Variants in NPHP4 observed in about 807,000 individuals in gnomAD.
NPHP4 encodes the protein nephrocystin-4.
In NPHP4, 151 loss-of-function variants were observed where a neutral mutation model predicts 155.8. The ratio of observed to expected loss-of-function variants is 0.97; its 90% CI spans 0.85 to 1.11. NPHP4 has a LOEUF of 1.11. Ranked by LOEUF, NPHP4 falls within the 50% of genes least tolerant of loss-of-function variation. The pLI, the probability that NPHP4 is intolerant of heterozygous loss-of-function variation, is 0.00. For missense variants in NPHP4, 1,956 were observed against 1,925.7 expected, an observed-to-expected ratio of 1.02 and a Z score of -0.29; for synonymous variants, 845 against 816.8, an observed-to-expected ratio of 1.03 and a Z score of -0.59.
At chr1:5,934,824 C>A (rs1421595720) in intron 9 of NPHP4, among the ~76,000 whole-genome samples, 1 of 152,182 alleles carries the variant, frequency 6.6e-6, no homozygotes, top group Non-Finnish European at 1.5e-5. Flanking sequence ...AACAGAGACA[C>A]CCAGAGGATC....
At position 5,890,735 on chromosome 1, in the gene NPHP4, G is replaced by A. The variant is rs545742986; in HGVS notation, c.2304+133C>T. 7.5e-6 allele frequency: 5 copies of A among 669,682 alleles called. No individual in the cohort carries two copies. The highest frequency in any genetic ancestry group is 1.2e-5 in the Non-Finnish European group (5 of 426,974). The allele number at this position is 669,682 out of a possible 1,614,324, so 41.5% of individuals were successfully genotyped here. On this transcript the variant is annotated intron_variant, in intron 17 of 29. Transcript: ENST00000378156. The surrounding 1 kb of genome is among the most constrained non-coding windows in gnomAD (Gnocchi z 4.9). ...GAGAATGCAGCACTATTTTTAACGA[G>A]TGAACAAAGAAGGTCAAACAAGTCC...
chr1:5,975,784 AC>A (rs1395420903), intron 3 of NPHP4, among the ~76,000 whole-genome samples: 1 of 152,228 alleles, frequency 6.6e-6, no homozygotes, highest in Non-Finnish European at 1.5e-5. Flanking sequence ...TTCCGCCGCA[AC>A]GGAAGCCCTC....
rs537014635 is a variant in NPHP4, at chr1:5,915,669, C to T, written c.1442-6456G>A. ...AGGAGCTGGTTCAGCAGGCCCAAGC[C>T]GAGTGGGGAGTTCCGTGACTTGCCA... On this transcript the variant is annotated intron_variant, in intron 11 of 29. Coordinates refer to ENST00000378156, the MANE Select transcript of NPHP4 (RefSeq NM_015102.5). Among the ~76,000 whole-genome samples the T allele has an allele frequency of 5.3e-5, 8 of 152,210 alleles. No homozygotes were observed. The East Asian group carries it at 9.7e-4, about 18-fold the overall frequency.
intron 21 of NPHP4, 24 bp downstream of exon 21, chr1:5,874,850 G>C (rs1405513385): frequency 6.2e-7 from 1 of 1,603,674 alleles, no homozygotes; most frequent in Non-Finnish European, 8.5e-7. Flanking sequence ...GGCTGGGGCA[G>C]GACGGGCACC....
chr1:5,986,321 G>A lies in NPHP4; in HGVS notation c.-32C>T, dbSNP rs200398622. 1.2e-5 allele frequency: 20 copies of A among 1,611,930 alleles called. No homozygotes were observed. The Admixed American group carries it at 1.5e-4, about 12-fold the overall frequency. On this transcript the variant is annotated 5_prime_UTR_variant, in exon 2 of 30. Transcript: ENST00000378156. ...CGCCTGAGGGTCCCGTGGGCTTCCCGGATGATCTGTGCCAGTCGTATTCAA... is the reference window on the plus strand; with the variant it reads ...CGCCTGAGGGTCCCGTGGGCTTCCCAGATGATCTGTGCCAGTCGTATTCAA...
At chr1:5,864,107 C>T in intron 28 of NPHP4, 74 bp from the exon 29 acceptor site, 1 of 1,525,770 alleles carries the variant, frequency 6.6e-7, no homozygotes, top group Non-Finnish European at 9.0e-7. Flanking sequence ...CCAAGTATTC[C>T]CTGAGTCTCC....
chr1:5,910,011 G>A lies in NPHP4; in HGVS notation c.1442-798C>T, dbSNP rs1215563398. Among the ~76,000 whole-genome samples, 1 of 152,176 alleles carries A rather than the reference G, an allele frequency of 6.6e-6. No homozygotes were observed. Among genetic ancestry groups the A allele is most frequent in the East Asian group, 1.9e-4 (1 of 5,176 alleles). On this transcript the variant is annotated intron_variant, in intron 11 of 29. Transcript: ENST00000378156. The surrounding 1 kb of genome is among the most constrained non-coding windows in gnomAD (Gnocchi z 5.4). The stretch of plus-strand genomic sequence containing the variant: ...TCTCAGCCCCTGCACCTCAGCAGGA[G>A]GAAGCCCCAGCATCGCTGGAGTCTC...
chr1:5,948,843 G>C (rs1218486339), intron 7 of NPHP4, among the ~76,000 whole-genome samples: 1 of 152,184 alleles, frequency 6.6e-6, no homozygotes, highest in Admixed American at 6.5e-5. Flanking sequence ...GTGGTCACTC[G>C]ATATTAAAGT....
chr1:5,977,050 C>G (rs1653729696), intron 3 of NPHP4, among the ~76,000 whole-genome samples: 1 of 152,126 alleles, frequency 6.6e-6, no homozygotes, highest in African/African-American at 2.4e-5. Flanking sequence ...AGCTGAGACC[C>G]TCTCATCACC....
chr1:5,974,477 T>C (rs962901006), intron 3 of NPHP4, among the ~76,000 whole-genome samples: 1 of 152,136 alleles, frequency 6.6e-6, no homozygotes, highest in African/African-American at 2.4e-5. Context: ...ACTGAGAAAC[T>C]GCACAGGACC....
At chr1:5,924,725 G>A (rs1005845057) in intron 11 of NPHP4, among the ~76,000 whole-genome samples, 1 of 152,140 alleles carries the variant, frequency 6.6e-6, no homozygotes, top group Non-Finnish European at 1.5e-5. Context: ...CGTAATCACG[G>A]CTCACTGCAG....
rs991004280 is a variant in NPHP4 at position 5,865,103 on chromosome 1, T to C, written c.3815A>G (p.Lys1272Arg). 2 of 1,613,280 alleles carry C rather than the reference T, an allele frequency of 1.2e-6. No individual in the cohort carries two copies. Among genetic ancestry groups the C allele is most frequent in the Non-Finnish European group, 1.7e-6 (2 of 1,179,636 alleles). The change falls in exon 27 of 30, where the codon AAG (lysine) becomes AGG (arginine). Residue 1272 changes from lysine (K) to arginine (R), a missense_variant and splice_region_variant. Physicochemically the swap from Lys to Arg is conservative, Grantham distance 26. Coordinates refer to ENST00000378156, the MANE Select transcript of NPHP4 (RefSeq NM_015102.5). ...RAFTSHPQEL[K>R]TDPKGVFVLP... The stretch of plus-strand genomic sequence containing the variant: ...GAACAGCCCCCAGAGAGGCCGTACC[T>C]TCAGCTCCTGGGGATGAGAGGTGAA...
rs926092150 is a variant in NPHP4 at position 5,904,634 on chromosome 1, T to A, written c.2126A>T (p.Asp709Val). The A allele has an allele frequency of 1.9e-6, 3 of 1,610,626 alleles. No individual in the cohort carries two copies. Among genetic ancestry groups the A allele is most frequent in the South Asian group, 2.2e-5 (2 of 90,740 alleles). Residue 709 changes from aspartate (D) to valine (V), a missense_variant, in exon 16 of 30, where the codon GAT becomes GTT. Transcript: ENST00000378156. Reference protein sequence around the residue: ...LTHILVPVSRDGTFDAGSPGF... With the variant: ...LTHILVPVSRVGTFDAGSPGF... ...GTACTCACCAGCATCAAAGGTGCCATCTCTGCTCACAGGCACGAGGATGTG... is the reference window on the plus strand; with the variant it reads ...GTACTCACCAGCATCAAAGGTGCCAACTCTGCTCACAGGCACGAGGATGTG...
intron 11 of NPHP4, 116 bp downstream of exon 11, chr1:5,927,533 G>T: frequency 2.6e-6 from 3 of 1,151,692 alleles, no homozygotes; most frequent in South Asian, 3.4e-5. Flanking sequence ...TGCAATCTAC[G>T]ACGATTATCT....
In NPHP4 at chr1:5,887,429, G is replaced by C. The variant is rs1327574799; in HGVS notation, c.2342C>G (p.Ser781Cys). The change falls in exon 18 of 30, where the codon TCC (serine) becomes TGC (cysteine). Residue 781 changes from serine to cysteine, a missense_variant. By Grantham distance (112) the Ser-to-Cys change is moderately radical. Coordinates refer to ENST00000378156, the MANE Select transcript of NPHP4 (RefSeq NM_015102.5). ...AGTTGCCACGACCTCAAGCTCGTGG[G>C]AGGCCTGCACAGCCGGCCGGCCTTG... is the stretch of plus-strand genomic sequence containing the variant. ...LRQGRPAVQA[S>C]HELEVVATEY... is the part of the protein sequence containing the mutation. 6.2e-7 allele frequency: 1 copy of C among 1,613,222 alleles called. No homozygotes were observed. Among genetic ancestry groups the C allele is most frequent in the Non-Finnish European group, 8.5e-7 (1 of 1,179,898 alleles).
intron 11 of NPHP4, among the ~76,000 whole-genome samples, chr1:5,927,083 G>A (rs1646043508): frequency 6.6e-6 from 1 of 152,238 alleles, no homozygotes; most frequent in Admixed American, 6.5e-5. Flanking sequence ...TACTGCCTCA[G>A]CAGAAGCAGC....
At chr1:5,880,261 A>G (rs770368107) in intron 18 of NPHP4, 22 bp from the exon 19 acceptor site, 9 of 1,611,948 alleles carry the variant, frequency 5.6e-6, no homozygotes, top group East Asian at 4.5e-5. Context: ...ACATCCCAAC[A>G]TAAGACATGA....
intron 23 of NPHP4, among the ~76,000 whole-genome samples, chr1:5,871,087 A>G (rs1641954896): frequency 6.6e-6 from 1 of 152,228 alleles, no homozygotes; most frequent in South Asian, 2.1e-4. Flanking sequence ...GCATTACCTG[A>G]TAATTTATTC....
At chr1:5,865,005 T>G in intron 27 of NPHP4, 97 bp downstream of exon 27, 2 of 1,267,178 alleles carry the variant, frequency 1.6e-6, no homozygotes, top group Admixed American at 3.7e-5. Flanking sequence ...GAAAAGCTGC[T>G]GTCAGGGCCA....
Sources: allele counts gnomAD v4.1 joint callset (sites outside exome capture counted in the v4.1 genomes callset), GRCh38; gene constraint gnomAD v4.1.1; non-coding constraint Gnocchi (gnomAD v3.1); transcripts MANE v1.5; gene names NCBI Gene and HGNC (gene_info 2026-07-23, HGNC 2026-07-21).